Variants in KLHL18 observed in about 807,000 individuals in gnomAD.
KLHL18 encodes kelch-like protein 18.
In KLHL18, 38 loss-of-function variants were observed where a neutral mutation model predicts 58.5. The ratio of observed to expected loss-of-function variants is 0.65; its 90% CI spans 0.50 to 0.85. The LOEUF is 0.85. KLHL18 is among the 40% of genes least tolerant of loss of function. KLHL18 has a pLI of 0.00. For synonymous variants in KLHL18, 303 were observed against 301.9 expected, an observed-to-expected ratio of 1.00 and a Z score of -0.04; for missense variants, 624 against 778.4, an observed-to-expected ratio of 0.80 and a Z score of 2.36.
chr3:47,311,203 G>T (rs1703291986), intron 1 of KLHL18, among the ~76,000 whole-genome samples: 1 of 151,908 alleles, frequency 6.6e-6, no homozygotes, highest in Non-Finnish European at 1.5e-5. Context: ...TAGAGACGGG[G>T]TTTTACCATG....
chr3:47,333,974 C>G (rs1703926470), intron 5 of KLHL18, among the ~76,000 whole-genome samples: 2 of 152,154 alleles, frequency 1.3e-5, no homozygotes, highest in Non-Finnish European at 2.9e-5. Flanking sequence ...ATATTTTTTT[C>G]TCCTTTGCTG....
At chr3:47,314,471 T>TA (rs1322283753) in intron 1 of KLHL18, among the ~76,000 whole-genome samples, 2 of 150,808 alleles carry the variant, frequency 1.3e-5, no homozygotes, top group Non-Finnish European at 2.9e-5. Flanking sequence ...CTCTTATTCT[T>TA]ACGCTTATTT....
chr3:47,296,336 C>T (rs2107586820), intron 1 of KLHL18, among the ~76,000 whole-genome samples: 1 of 152,294 alleles, frequency 6.6e-6, no homozygotes, highest in South Asian at 2.1e-4. Flanking sequence ...AAAGTATTTA[C>T]TGAATTACCT....
intron 2 of KLHL18, among the ~76,000 whole-genome samples, chr3:47,320,930 A>T (rs1210844095): frequency 6.6e-6 from 1 of 152,086 alleles, no homozygotes; most frequent in Non-Finnish European, 1.5e-5. Context: ...AGAAAGAAAG[A>T]AATCTTAGGC....
chr3:47,309,421 G>A (rs1039821521), intron 1 of KLHL18, among the ~76,000 whole-genome samples: 18 of 151,350 alleles, frequency 1.2e-4, no homozygotes, highest in Admixed American at 1.1e-3. Flanking sequence ...AGATGGGGTC[G>A]CGGCCGGGCA....
intron 1 of KLHL18, among the ~76,000 whole-genome samples, chr3:47,316,755 A>G (rs975694024): frequency 4.1e-5 from 5 of 121,268 alleles, no homozygotes; most frequent in African/African-American, 1.6e-4. Flanking sequence ...GTATATATGT[A>G]TATGTGTGTG....
At chr3:47,327,903 A>G (rs755615653) in intron 3 of KLHL18, among the ~76,000 whole-genome samples, 26 of 152,178 alleles carry the variant, frequency 1.7e-4, no homozygotes, top group Non-Finnish European at 3.4e-4. Context: ...AAAGACATAA[A>G]CCTTTCTAAT....
intron 1 of KLHL18, 157 bp downstream of exon 1, chr3:47,283,251 G>C: frequency 1.5e-6 from 1 of 676,524 alleles, no homozygotes; most frequent in Non-Finnish European, 2.4e-6. Context: ...CCGAGCAAAA[G>C]GGGATCGGGG....
intron 8 of KLHL18, among the ~76,000 whole-genome samples, chr3:47,342,440 A>T (rs1704129828): frequency 6.6e-6 from 1 of 152,238 alleles, no homozygotes; most frequent in South Asian, 2.1e-4. Context: ...CTGCTTAACA[A>T]GGCAGGGAGT....
intron 1 of KLHL18, among the ~76,000 whole-genome samples, chr3:47,295,891 A>G (rs1267455380): frequency 6.6e-6 from 1 of 151,956 alleles, no homozygotes; most frequent in Non-Finnish European, 1.5e-5. Flanking sequence ...TCTTTTCTCA[A>G]AGGGACCCAT....
At chr3:47,337,741 T>C (rs1704017812) in intron 7 of KLHL18, 1 of 152,154 alleles carries the variant, frequency 6.6e-6, no homozygotes, top group Non-Finnish European at 1.5e-5. Flanking sequence ...AAGAAAAAAA[T>C]ACGTAAGATC....
chr3:47,314,017 T>C (rs1292933108), intron 1 of KLHL18, among the ~76,000 whole-genome samples: 1 of 152,168 alleles, frequency 6.6e-6, no homozygotes, highest in Non-Finnish European at 1.5e-5. Context: ...TGATCATCTC[T>C]TTTTTTAAAA....
rs769288621 is a variant in KLHL18 at position 47,324,298 on chromosome 3, CTTTTTTTTTTTT to C, written c.401+1605_401+1616del. Among the ~76,000 whole-genome samples, 18 of 37,486 alleles carry C rather than the reference CTTTTTTTTTTTT, an allele frequency of 4.8e-4. 1 individual carries two copies. Among genetic ancestry groups the C allele is most frequent in the East Asian group, 8.9e-4 (1 of 1,122 alleles). The allele number at this position is 37,486 out of a possible 152,430, so 24.6% of individuals were successfully genotyped here. ...CTTCCTTTTTTCTTTTTCTTTCTTT[CTTTTTTTTTTTT>C]TTTTTTTTTTTTTTCTGTAAGGTAG... On this transcript the variant is annotated intron_variant, in intron 3 of 9. Coordinates refer to ENST00000232766, the MANE Select transcript of KLHL18 (RefSeq NM_025010.5).
chr3:47,340,039 G>A (rs910144041), intron 7 of KLHL18, among the ~76,000 whole-genome samples: 1 of 152,144 alleles, frequency 6.6e-6, no homozygotes, highest in Non-Finnish European at 1.5e-5. Context: ...ACAGAGCAAG[G>A]CTCTGATTAA....
chr3:47,297,855 C>A (rs1328961506), intron 1 of KLHL18, among the ~76,000 whole-genome samples: 2 of 152,052 alleles, frequency 1.3e-5, no homozygotes, highest in Non-Finnish European at 2.9e-5. Context: ...TCATTAGGGA[C>A]AATATAATGT....
At chr3:47,293,826 G>A (rs974010860) in intron 1 of KLHL18, among the ~76,000 whole-genome samples, 1 of 152,150 alleles carries the variant, frequency 6.6e-6, no homozygotes, top group Non-Finnish European at 1.5e-5. Context: ...TTTCCTCTGT[G>A]TTAGGGGGGC....
intron 1 of KLHL18, among the ~76,000 whole-genome samples, chr3:47,299,218 C>T (rs1702960287): frequency 6.6e-6 from 1 of 152,168 alleles, no homozygotes; most frequent in Non-Finnish European, 1.5e-5. Flanking sequence ...AAACACCAGT[C>T]TAGATGTTGC....
At chr3:47,284,248 C>T (rs1018374570) in intron 1 of KLHL18, among the ~76,000 whole-genome samples, 1 of 151,584 alleles carries the variant, frequency 6.6e-6, no homozygotes, top group African/African-American at 2.4e-5. Context: ...TTCTCTCTGT[C>T]TCTCTCACAC....
intron 3 of KLHL18, among the ~76,000 whole-genome samples, chr3:47,324,914 T>TTA (rs924175454): frequency 6.6e-6 from 1 of 152,214 alleles, no homozygotes; most frequent in Non-Finnish European, 1.5e-5. Context: ...GAATAAGTAC[T>TTA]TACGCATAAA....
Sources: gnomAD v4.1 joint callset for allele counts (sites outside exome capture counted in the v4.1 genomes callset) on GRCh38, gnomAD v4.1.1 for gene constraint, MANE v1.5 for transcripts, NCBI Gene and HGNC (gene_info 2026-07-23, HGNC 2026-07-21) for gene names.